KCNK13: variants seen among roughly 807,000 people sequenced by gnomAD.
KCNK13 encodes potassium channel subfamily K member 13.
In KCNK13, 12 loss-of-function variants were observed where a neutral mutation model predicts 23.4. That is an observed-to-expected ratio of 0.51 (90% CI 0.33 to 0.83). The LOEUF is 0.83. Ranked by LOEUF, KCNK13 falls within the 40% of genes least tolerant of loss-of-function variation. KCNK13 has a pLI of 0.02. For missense variants in KCNK13, 463 were observed against 556.3 expected (o/e 0.83, Z 1.69); for synonymous variants, 231 against 229.5 (o/e 1.01, Z -0.06).
At chr14:90,071,273 G>A (rs8019972) in intron 1 of KCNK13, among the ~76,000 whole-genome samples, 11,069 of 152,140 alleles carry the variant, frequency 0.073, 445 homozygotes, top group South Asian at 0.14. Context: ...AAAGAAGCAT[G>A]GTCTGTTAGC....
intron 1 of KCNK13, among the ~76,000 whole-genome samples, chr14:90,119,145 A>G (rs1889708577): frequency 6.6e-6 from 1 of 152,128 alleles, no homozygotes; most frequent in African/African-American, 2.4e-5. Context: ...TTGAATCAGT[A>G]ATAAATAGCC....
rs1890528225 is a variant in KCNK13, at chr14:90,184,706, C to T, written c.930C>T (p.Arg310=). ...PQCQRGLLRS[R]RNVVMPGSVR... is the part of the protein sequence containing the mutation. Reference sequence around the variant, plus strand: ...GCCAGAGAGGACTCTTGCGATCACGCAGGAACGTGGTGATGCCAGGCAGCG... The same window carrying T: ...GCCAGAGAGGACTCTTGCGATCACGTAGGAACGTGGTGATGCCAGGCAGCG... Residue 310 remains arginine (R), a synonymous_variant, in exon 2 of 2, where the codon CGC becomes CGT. Coordinates refer to ENST00000282146, the MANE Select transcript of KCNK13 (RefSeq NM_022054.4). The surrounding 1 kb of genome is among the most constrained non-coding windows in gnomAD (Gnocchi z 5.6). 1 of 1,614,228 alleles carries T rather than the reference C, an allele frequency of 6.2e-7. No individual in the cohort carries two copies. Among genetic ancestry groups the T allele is most frequent in the African/African-American group, 1.3e-5 (1 of 75,076 alleles).
chr14:90,088,322 C>T (rs1378855691), intron 1 of KCNK13, among the ~76,000 whole-genome samples: 1 of 147,960 alleles, frequency 6.8e-6, no homozygotes, highest in African/African-American at 2.5e-5. Context: ...TGTTTAACAA[C>T]AAGCTTAAAA....
chr14:90,080,247 A>C (rs900230016), intron 1 of KCNK13, among the ~76,000 whole-genome samples: 1 of 152,120 alleles, frequency 6.6e-6, no homozygotes, highest in African/African-American at 2.4e-5. Flanking sequence ...TGAGGTCAGG[A>C]GTTCGAGACC....
intron 1 of KCNK13, among the ~76,000 whole-genome samples, chr14:90,098,632 G>A (rs143898736): frequency 2.2e-3 from 338 of 150,812 alleles, no homozygotes; most frequent in African/African-American, 6.9e-3. Flanking sequence ...CATCCTGGGC[G>A]ACAGAGTGAG....
At position 90,062,180 on chromosome 14, in the gene KCNK13, T is replaced by C; in HGVS notation, c.-26T>C. ...CCGCCGACGCCCGGTGCCGTGGGCC[T>C]GGGGGCTGCCCCCGGGGGCCCGGCC... On this transcript the variant is annotated 5_prime_UTR_variant, in exon 1 of 2. Transcript: ENST00000282146. The surrounding 1 kb of genome is among the most constrained non-coding windows in gnomAD (Gnocchi z 4.5). The C allele has an allele frequency of 7.4e-7, 1 of 1,351,748 alleles. No individual in the cohort carries two copies. The highest frequency in any genetic ancestry group is 1.7e-5 in the South Asian group (1 of 58,668). The allele number at this position is 1,351,748 out of a possible 1,614,324, so 83.7% of individuals were successfully genotyped here. A position where few individuals can be genotyped will look rare whatever the true frequency, so the allele number is the denominator to read the frequency against.
At chr14:90,162,996 A>G (rs571359292) in intron 1 of KCNK13, among the ~76,000 whole-genome samples, 9 of 152,358 alleles carry the variant, frequency 5.9e-5, no homozygotes, top group East Asian at 3.9e-4. Flanking sequence ...AGAAGAAGAA[A>G]TACAAAAGGC....
chr14:90,141,949 A>AT (rs1040497604), intron 1 of KCNK13, among the ~76,000 whole-genome samples: 125 of 150,722 alleles, frequency 8.3e-4, no homozygotes, highest in Non-Finnish European at 1.4e-3. Context: ...TGCCTGGCTA[A>AT]TTTTTTTTTG....
intron 1 of KCNK13, among the ~76,000 whole-genome samples, chr14:90,068,307 G>T (rs572291498): frequency 6.6e-6 from 1 of 152,010 alleles, no homozygotes; most frequent in African/African-American, 2.4e-5. Flanking sequence ...AAAAAAGCAC[G>T]TGTTGGGCCC....
chr14:90,062,276 C>A lies in KCNK13; in HGVS notation c.71C>A (p.Ala24Asp). 1 of 1,504,386 alleles carries A rather than the reference C, an allele frequency of 6.6e-7. No homozygotes were observed. The highest frequency in any genetic ancestry group is 8.8e-7 in the Non-Finnish European group (1 of 1,130,296). The allele number at this position is 1,504,386 out of a possible 1,614,324, so 93.2% of individuals were successfully genotyped here. Residue 24 changes from alanine (A) to aspartate (D), a missense_variant, in exon 1 of 2, where the codon GCC becomes GAC. This residue lies in a region of KCNK13 where 153 missense variants were observed against 153.6 expected (regional missense o/e 1.00). Transcript: ENST00000282146. This position sits in a 1 kb window ranked among gnomAD's most constrained non-coding sequence, Gnocchi z 4.5. ...NEDNARFLLL[A>D]ALIVLYLLGG... is the part of the protein sequence containing the mutation. ...GACAACGCGCGCTTTCTGCTGCTGGCCGCGCTCATCGTGCTCTACCTGCTG... is the reference window on the plus strand; with the variant it reads ...GACAACGCGCGCTTTCTGCTGCTGGACGCGCTCATCGTGCTCTACCTGCTG...
In KCNK13 at chr14:90,109,070, G is replaced by A. The variant is rs372614886; in HGVS notation, c.334+46531G>A. ...CAGGCGCCTGTAGTCCCAGCTACTC[G>A]GGAGGCTGAGGCAGGAGCATGGCGT... On this transcript the variant is annotated intron_variant, in intron 1 of 1. Coordinates refer to ENST00000282146, the MANE Select transcript of KCNK13 (RefSeq NM_022054.4). Among the ~76,000 whole-genome samples, 288 of 151,960 alleles carry A rather than the reference G, an allele frequency of 1.9e-3. 2 individuals are homozygous for A. The highest frequency in any genetic ancestry group is 6.6e-3 in the African/African-American group (274 of 41,458).
At chr14:90,082,909 A>G (rs918655875) in intron 1 of KCNK13, among the ~76,000 whole-genome samples, 1 of 152,228 alleles carries the variant, frequency 6.6e-6, no homozygotes, top group African/African-American at 2.4e-5. Flanking sequence ...CCGACAGTGT[A>G]CAAGGGTTCC....
intron 1 of KCNK13, among the ~76,000 whole-genome samples, chr14:90,150,550 AT>A (rs1250990832): frequency 6.6e-6 from 1 of 152,224 alleles, no homozygotes; most frequent in African/African-American, 2.4e-5. Flanking sequence ...CCAGAGACAT[AT>A]TTGATGAGGC....
intron 1 of KCNK13, among the ~76,000 whole-genome samples, chr14:90,108,513 A>AC (rs1456017272): frequency 6.6e-6 from 1 of 151,824 alleles, no homozygotes; most frequent in African/African-American, 2.4e-5. Flanking sequence ...ACACAACCCC[A>AC]CCCCATCCCA....
At chr14:90,077,033 A>C (rs1252412522) in intron 1 of KCNK13, among the ~76,000 whole-genome samples, 3 of 144,390 alleles carry the variant, frequency 2.1e-5, no homozygotes, top group African/African-American at 2.5e-5. Context: ...GTTAGCCAGG[A>C]TGGTCTCGAT....
chr14:90,142,398 A>C (rs1226092410), intron 1 of KCNK13, among the ~76,000 whole-genome samples: 1 of 135,046 alleles, frequency 7.4e-6, no homozygotes, highest in African/African-American at 2.8e-5. Context: ...GGCTCACTGC[A>C]AGCTCCGCCT....
intron 1 of KCNK13, among the ~76,000 whole-genome samples, chr14:90,161,094 C>A (rs954862320): frequency 6.6e-6 from 1 of 151,988 alleles, no homozygotes; most frequent in African/African-American, 2.4e-5. Context: ...TCTATACATA[C>A]AATAAAATGT....
intron 1 of KCNK13, among the ~76,000 whole-genome samples, chr14:90,172,757 T>C (rs1052214362): frequency 6.6e-6 from 1 of 152,224 alleles, no homozygotes; most frequent in Non-Finnish European, 1.5e-5. Context: ...AAGTGTCTAT[T>C]TTGGAATCCA....
intron 1 of KCNK13, among the ~76,000 whole-genome samples, chr14:90,181,334 C>A (rs1270708626): frequency 6.6e-6 from 1 of 152,156 alleles, no homozygotes; most frequent in East Asian, 1.9e-4. Context: ...ACTGGGAAGT[C>A]CAAGATCAAG....
Sources: gnomAD v4.1 joint callset for allele counts (sites outside exome capture counted in the v4.1 genomes callset) on GRCh38, gnomAD v4.1.1 for gene constraint, gnomAD v4.1.1 regional missense constraint, Gnocchi (gnomAD v3.1) non-coding constraint, MANE v1.5 for transcripts, NCBI Gene and HGNC (gene_info 2026-07-23, HGNC 2026-07-21) for gene names.